The following NR2C2 variants were observed in gnomAD, a reference collection of about 807,000 sequenced individuals.
NR2C2 encodes the protein Nuclear hormone receptor TR4.
In NR2C2, 6 loss-of-function variants were observed where a neutral mutation model predicts 62.9. That is an observed-to-expected ratio of 0.10 (90% CI 0.05 to 0.19). The LOEUF is 0.19. Among genes scored for constraint, NR2C2 ranks in the 10% least tolerant of loss-of-function variants. The pLI is 1.00. For synonymous variants in NR2C2, 272 were observed against 273.8 expected (o/e 0.99, Z 0.07); for missense variants, 479 against 762.7 (o/e 0.63, Z 4.38).
At chr3:15,010,788 C>T (rs915347610) in intron 2 of NR2C2, among the ~76,000 whole-genome samples, 2 of 152,044 alleles carry the variant, frequency 1.3e-5, no homozygotes, top group African/African-American at 2.4e-5. Flanking sequence ...TGTCTGGAAC[C>T]AGTAACTTCT....
intron 4 of NR2C2, among the ~76,000 whole-genome samples, chr3:15,016,779 G>A (rs537455916): frequency 6.6e-6 from 1 of 152,272 alleles, no homozygotes; most frequent in Admixed American, 6.5e-5. Context: ...TGGAGCAGGA[G>A]GAGGGCATTC....
At chr3:15,003,806 C>T (rs750195630) in intron 1 of NR2C2, 70 bp from the exon 2 acceptor site, 21 of 929,480 alleles carry the variant, frequency 2.3e-5, no homozygotes, top group South Asian at 5.4e-5. Context: ...AAGCAAGAGG[C>T]GTGGTCTTCA....
At position 15,043,105 on chromosome 3, in the gene NR2C2, A is replaced by G. The variant is rs191787665; in HGVS notation, c.*97A>G. The G allele has an allele frequency of 3.3e-5, 39 of 1,177,406 alleles. No individual in the cohort carries two copies. The African/African-American group carries it at 5.4e-4, about 16-fold the overall frequency. The allele number at this position is 1,177,406 out of a possible 1,614,324, so 72.9% of individuals were successfully genotyped here. On this transcript the variant is annotated 3_prime_UTR_variant, in exon 14 of 14. Coordinates refer to ENST00000425241, the MANE Select transcript of NR2C2 (RefSeq NM_001291694.2). ...TATTTTGGTATGTGCAAATATTTCC[A>G]TATGTTAGCCATTTCCTGTCTGGTT...
chr3:14,967,299 A>C (rs966491702), intron 1 of NR2C2, among the ~76,000 whole-genome samples: 1 of 150,686 alleles, frequency 6.6e-6, no homozygotes, highest in African/African-American at 2.4e-5. Flanking sequence ...TTTTCAACAA[A>C]CCAGCTTTTT....
chr3:14,990,140 G>A (rs949587865), intron 1 of NR2C2, among the ~76,000 whole-genome samples: 7 of 152,176 alleles, frequency 4.6e-5, no homozygotes, highest in African/African-American at 7.2e-5. Flanking sequence ...TTACTGCACC[G>A]TTAGGTTGAA....
At chr3:15,008,392 C>T (rs7630021) in intron 2 of NR2C2, among the ~76,000 whole-genome samples, 4 of 151,766 alleles carry the variant, frequency 2.6e-5, no homozygotes, top group East Asian at 1.9e-4. Context: ...CGTGCTGGCA[C>T]GAGCCTGTAG....
intron 1 of NR2C2, chr3:14,959,548 C>T (rs898968302): frequency 6.6e-6 from 1 of 152,036 alleles, no homozygotes; most frequent in Non-Finnish European, 1.5e-5. Context: ...GGTGCACATT[C>T]CTCCTTGTTC....
At chr3:14,948,477 G>GC (rs1309546787) in intron 1 of NR2C2, 7 of 152,076 alleles carry the variant, frequency 4.6e-5, no homozygotes, top group African/African-American at 9.7e-5. Flanking sequence ...CTGTGGCACC[G>GC]CCCCCCTAAG....
At chr3:15,039,941 G>A (rs1195838684) in intron 13 of NR2C2, among the ~76,000 whole-genome samples, 3 of 152,032 alleles carry the variant, frequency 2.0e-5, no homozygotes, top group Admixed American at 6.6e-5. Flanking sequence ...AGGAGGTCAC[G>A]AGTTCAAGAC....
intron 1 of NR2C2, among the ~76,000 whole-genome samples, chr3:14,957,108 TGCCTGA>T (rs2039549274): frequency 6.6e-6 from 1 of 152,240 alleles, no homozygotes; most frequent in Non-Finnish European, 1.5e-5. Flanking sequence ...ATGAGCTTAG[TGCCTGA>T]GCCTCAGAAC....
chr3:14,968,994 G>T (rs1191472543), intron 1 of NR2C2, among the ~76,000 whole-genome samples: 1 of 125,806 alleles, frequency 7.9e-6, no homozygotes, highest in African/African-American at 3.0e-5. Context: ...TGTGGGGTGG[G>T]GGGAGGGGGG....
intron 1 of NR2C2, among the ~76,000 whole-genome samples, chr3:14,951,655 T>G (rs1049907502): frequency 1.3e-5 from 2 of 152,206 alleles, no homozygotes; most frequent in African/African-American, 4.8e-5. Flanking sequence ...GTATTCACAG[T>G]GACTTTTAAG....
intron 1 of NR2C2, among the ~76,000 whole-genome samples, chr3:14,949,382 A>C (rs1389377355): frequency 1.3e-5 from 2 of 152,236 alleles, no homozygotes; most frequent in Non-Finnish European, 2.9e-5. Context: ...ACGGCCCTGG[A>C]GGAAGAGCAT....
intron 1 of NR2C2, among the ~76,000 whole-genome samples, chr3:15,003,152 A>G (rs1424648789): frequency 7.2e-6 from 1 of 139,718 alleles, no homozygotes; most frequent in African/African-American, 2.7e-5. Flanking sequence ...GAGTTTTACC[A>G]TTTTGGCCAG....
intron 13 of NR2C2, 158 bp from the exon 14 acceptor site, chr3:15,042,676 A>G (rs1476090566): frequency 3.1e-5 from 19 of 622,208 alleles, no homozygotes; most frequent in Admixed American, 1.8e-4. Context: ...ATAAATTTCT[A>G]TAAGAGGAAC....
chr3:14,975,063 G>A (rs952836162), intron 1 of NR2C2, among the ~76,000 whole-genome samples: 19 of 152,100 alleles, frequency 1.2e-4, no homozygotes, highest in African/African-American at 3.6e-4. Flanking sequence ...GTATAGAAAC[G>A]TTACTGATTC....
chr3:14,995,733 T>C (rs924955743), intron 1 of NR2C2, among the ~76,000 whole-genome samples: 6 of 151,662 alleles, frequency 4.0e-5, no homozygotes, highest in African/African-American at 1.5e-4. Context: ...GTAACTATTT[T>C]CAAACTTTTG....
At chr3:14,957,173 C>T (rs1242021966) in intron 1 of NR2C2, among the ~76,000 whole-genome samples, 1 of 152,214 alleles carries the variant, frequency 6.6e-6, no homozygotes, top group Non-Finnish European at 1.5e-5. Flanking sequence ...AGATACTTTG[C>T]ATGTTATATT....
At chr3:14,963,622 C>T (rs2039751349) in intron 1 of NR2C2, among the ~76,000 whole-genome samples, 1 of 152,066 alleles carries the variant, frequency 6.6e-6, no homozygotes, top group Non-Finnish European at 1.5e-5. Context: ...GCACCCGCCA[C>T]ACCACGCCCG....
Sources: gnomAD v4.1 joint callset for allele counts (sites outside exome capture counted in the v4.1 genomes callset) on GRCh38, gnomAD v4.1.1 for gene constraint, MANE v1.5 for transcripts, NCBI Gene and HGNC (gene_info 2026-07-23, HGNC 2026-07-21) for gene names.